Variants in TRIM2 observed in about 807,000 individuals in gnomAD.
TRIM2 encodes tripartite motif containing 2.
Under a neutral mutation model 75.2 loss-of-function variants are expected in TRIM2, and 20 were observed. The ratio of observed to expected loss-of-function variants is 0.27; its 90% confidence interval spans 0.19 to 0.39. The LOEUF (loss-of-function observed/expected upper bound fraction) is 0.39, where lower values mean the gene tolerates loss of function less well. Ranked by LOEUF, TRIM2 falls within the 10% of genes least tolerant of loss-of-function variation. The probability of loss-of-function intolerance (pLI) is 1.00; values close to 1 mark genes in which losing one functional copy is unlikely to be tolerated. For synonymous variants in TRIM2, 373 were observed against 388.3 expected (o/e 0.96, Z 0.46); for missense variants, 660 against 990.8 (o/e 0.67, Z 4.48).
intron 1 of TRIM2, among the ~76,000 whole-genome samples, chr4:153,268,881 C>A (rs1011972387): frequency 2.0e-5 from 3 of 152,134 alleles, no homozygotes; most frequent in African/African-American, 7.2e-5. Context: ...ACATGAATAC[C>A]AACAGATATT....
chr4:153,276,794 T>C (rs1758130896), intron 3 of TRIM2, among the ~76,000 whole-genome samples: 2 of 152,232 alleles, frequency 1.3e-5, no homozygotes, highest in Non-Finnish European at 2.9e-5. Flanking sequence ...ACTTATTCCC[T>C]GTGCCAGCTT....
intron 6 of TRIM2, among the ~76,000 whole-genome samples, chr4:153,311,978 A>T (rs1327903429): frequency 2.0e-5 from 3 of 151,286 alleles, no homozygotes; most frequent in Non-Finnish European, 2.9e-5. Flanking sequence ...TGTTAGTTAC[A>T]TATGTATACA....
At chr4:153,167,461 A>C (rs1274844717) in intron 1 of TRIM2, among the ~76,000 whole-genome samples, 4 of 152,264 alleles carry the variant, frequency 2.6e-5, no homozygotes, top group Admixed American at 6.5e-5. Flanking sequence ...ACATGGAAAG[A>C]AGTCCTGAAT....
At chr4:153,205,034 G>A (rs532446680) in intron 1 of TRIM2, among the ~76,000 whole-genome samples, 1 of 152,280 alleles carries the variant, frequency 6.6e-6, no homozygotes, top group Non-Finnish European at 1.5e-5. Flanking sequence ...GTTATAAATA[G>A]GTCTATTCAG....
chr4:153,294,236 G>C (rs1762366351), intron 4 of TRIM2, 69 bp from the exon 5 acceptor site: 1 of 1,504,086 alleles, frequency 6.6e-7, no homozygotes, highest in Non-Finnish European at 9.0e-7. Flanking sequence ...ACAAAATGTA[G>C]TGTTTAGATA....
chr4:153,201,695 T>TAAAGAAAGAAAA (rs1372600247), upstream of TRIM2, among the ~76,000 whole-genome samples: 1 of 151,946 alleles, frequency 6.6e-6, no homozygotes, highest in Admixed American at 6.6e-5. Flanking sequence ...ACTTTGTCTC[T>TAAAGAAAGAAAA]AAAGAAAGAA....
chr4:153,192,155 CCACAGTGATTGTTTAAGCA>C (rs1733260338), intron 1 of TRIM2, among the ~76,000 whole-genome samples: 1 of 152,220 alleles, frequency 6.6e-6, no homozygotes, highest in Non-Finnish European at 1.5e-5. Flanking sequence ...GCATCCCGCA[CCACAGTGATTGTTTAAGCA>C]CAGGGCCACA....
intron 3 of TRIM2, among the ~76,000 whole-genome samples, chr4:153,285,698 A>G (rs563717335): frequency 6.6e-6 from 1 of 152,076 alleles, no homozygotes; most frequent in South Asian, 2.1e-4. Context: ...TTTGTTTGTT[A>G]ATCTTGTATC....
At chr4:153,253,887 G>T (rs1436932082) in intron 1 of TRIM2, among the ~76,000 whole-genome samples, 1 of 152,192 alleles carries the variant, frequency 6.6e-6, no homozygotes, top group Non-Finnish European at 1.5e-5. Flanking sequence ...TGTAAATGGG[G>T]AACCAGCAGC....
At chr4:153,205,118 T>TA (rs1344230307) in intron 1 of TRIM2, among the ~76,000 whole-genome samples, 1 of 152,202 alleles carries the variant, frequency 6.6e-6, no homozygotes, top group Non-Finnish European at 1.5e-5. Flanking sequence ...CAAAGGGTAC[T>TA]ATGTCCCTCT....
chr4:153,283,861 C>CTTTTTTTTTTTTTTTTTTTTTTTTT (rs71598257), intron 3 of TRIM2, among the ~76,000 whole-genome samples: 1 of 53,256 alleles, frequency 1.9e-5, no homozygotes, highest in African/African-American at 8.5e-5. Context: ...TGGCCTTGAT[C>CTTTTTTTTTTTTTTTTTTTTTTTTT]TTTTTTTTTT....
intron 1 of TRIM2, among the ~76,000 whole-genome samples, chr4:153,226,463 T>G (rs1742153500): frequency 6.6e-6 from 1 of 152,250 alleles, no homozygotes; most frequent in Non-Finnish European, 1.5e-5. Flanking sequence ...TGCTGACTTC[T>G]GGAACAAGGG....
rs534525489 is a variant in TRIM2, at chr4:153,283,696, G to A, written c.453+7566G>A. Among the ~76,000 whole-genome samples the A allele has an allele frequency of 2.1e-3, 309 of 147,412 alleles. 1 individual carries two copies. Among genetic ancestry groups the A allele is most frequent in the African/African-American group, 7.4e-3 (291 of 39,494 alleles). On this transcript the variant is annotated intron_variant, in intron 3 of 11. Transcript: ENST00000338700. Reference sequence around the variant, plus strand: ...TCTTTTGCCAGGCTGGAGTGCAGTGGCGGAAACTTGGCTCACTGCAACTTC... The same window carrying A: ...TCTTTTGCCAGGCTGGAGTGCAGTGACGGAAACTTGGCTCACTGCAACTTC...
rs1355179562 is a variant in TRIM2, at chr4:153,338,955, T to G, written c.*3989T>G. On this transcript the variant is annotated 3_prime_UTR_variant, in exon 12 of 12. Coordinates refer to ENST00000338700, the MANE Select transcript of TRIM2 (RefSeq NM_015271.5). ...AGCCTATGTATGAATATGAAGGGGTTTTTTTTTTTTGCTTTGTTTTCTTTT... is the reference window on the plus strand; with the variant it reads ...AGCCTATGTATGAATATGAAGGGGTGTTTTTTTTTTGCTTTGTTTTCTTTT... 1.1e-6 allele frequency: 1 copy of G among 881,632 alleles called. No homozygotes were observed. The highest frequency in any genetic ancestry group is 2.8e-5 in the African/African-American group (1 of 35,862). The allele number at this position is 881,632 out of a possible 1,614,324, so 54.6% of individuals were successfully genotyped here. A position where few individuals can be genotyped will look rare whatever the true frequency, so the allele number is the denominator to read the frequency against.
intron 1 of TRIM2, among the ~76,000 whole-genome samples, chr4:153,205,913 G>T (rs551813174): frequency 6.6e-6 from 1 of 152,300 alleles, no homozygotes; most frequent in South Asian, 2.1e-4. Context: ...CTCCTGGTGC[G>T]GTCCTAGAGC....
intron 6 of TRIM2, among the ~76,000 whole-genome samples, chr4:153,298,759 G>A (rs1307177926): frequency 6.6e-6 from 1 of 151,914 alleles, no homozygotes; most frequent in Non-Finnish European, 1.5e-5. Context: ...ATTGAAACAG[G>A]GCCTTGCTCT....
At chr4:153,256,007 G>A (rs931502996) in intron 1 of TRIM2, among the ~76,000 whole-genome samples, 1 of 152,150 alleles carries the variant, frequency 6.6e-6, no homozygotes, top group Non-Finnish European at 1.5e-5. Context: ...TTGTTTGTCT[G>A]AGATGATGAA....
At position 153,335,040 on chromosome 4, in the gene TRIM2, A is replaced by T. The variant is rs568184127; in HGVS notation, c.*74A>T. On this transcript the variant is annotated 3_prime_UTR_variant, in exon 12 of 12. Transcript: ENST00000338700. ...AATGGATTTCTCAATGCGGGACCAG[A>T]TTATGACTAGAGTTTTTATGCCAGA... The T allele has an allele frequency of 5.8e-6, 8 of 1,389,836 alleles. No homozygotes were observed. The East Asian group carries it at 2.1e-4, about 37-fold the overall frequency. 86.1% of individuals were successfully genotyped at this position (1,389,836 alleles called of 1,614,324 possible).
At position 153,193,233 on chromosome 4, in the gene TRIM2, G is replaced by A. The variant is rs1037853143; in HGVS notation, c.-49+39963G>A. On this transcript the variant is annotated intron_variant, in intron 1 of 11. Transcript: ENST00000437508. Reference sequence around the variant, plus strand: ...TGCAAGCTCTGCCTCCCAGGTTCATGACATTCTCCTGCCTCAGCCTCCTGA... The same window carrying A: ...TGCAAGCTCTGCCTCCCAGGTTCATAACATTCTCCTGCCTCAGCCTCCTGA... 2.7e-5 allele frequency among the ~76,000 whole-genome samples: 4 copies of A among 146,862 alleles called. No individual in the cohort carries two copies. The South Asian group carries it at 6.5e-4, about 24-fold the overall frequency.
Sources: gnomAD v4.1 joint callset for allele counts (sites outside exome capture counted in the v4.1 genomes callset) on GRCh38, gnomAD v4.1.1 for gene constraint, MANE v1.5 for transcripts, NCBI Gene and HGNC (gene_info 2026-07-23, HGNC 2026-07-21) for gene names.